The following GPR137B variants were observed in gnomAD, a reference collection of about 807,000 sequenced individuals.
GPR137B encodes the protein integral membrane protein GPR137B.
A neutral mutation model predicts 42.5 loss-of-function variants in GPR137B; 42 were observed. The ratio of observed to expected loss-of-function variants is 0.99; its 90% confidence interval spans 0.77 to 1.28. The LOEUF (loss-of-function observed/expected upper bound fraction) is 1.28, where lower values mean the gene tolerates loss of function less well. Ranked by LOEUF, GPR137B falls within the 50% of genes most tolerant of loss-of-function variation. The probability of loss-of-function intolerance (pLI) is 0.00; values close to 1 mark genes in which losing one functional copy is unlikely to be tolerated. For synonymous variants in GPR137B, 218 were observed against 209.7 expected (o/e 1.04, Z -0.34); for missense variants, 487 against 493.9 (o/e 0.99, Z 0.13).
At chr1:236,161,606 C>G (rs1242041098) in intron 1 of GPR137B, among the ~76,000 whole-genome samples, 1 of 151,990 alleles carries the variant, frequency 6.6e-6, no homozygotes, top group East Asian at 1.9e-4. Context: ...AATTGTATCT[C>G]CCAGAATTTC....
At chr1:236,170,513 A>G (rs1022493934) in intron 2 of GPR137B, among the ~76,000 whole-genome samples, 1 of 152,106 alleles carries the variant, frequency 6.6e-6, no homozygotes, top group African/African-American at 2.4e-5. Flanking sequence ...ACTGCTTTGT[A>G]CGTGGCTCAG....
At chr1:236,195,733 G>A (rs1313762531) in intron 5 of GPR137B, among the ~76,000 whole-genome samples, 1 of 152,106 alleles carries the variant, frequency 6.6e-6, no homozygotes, top group Non-Finnish European at 1.5e-5. Flanking sequence ...CAGTGTTCAA[G>A]GGTTCCCTTT....
intron 1 of GPR137B, among the ~76,000 whole-genome samples, chr1:236,164,383 T>C (rs1662285675): frequency 6.6e-6 from 1 of 152,212 alleles, no homozygotes; most frequent in South Asian, 2.1e-4. Context: ...GTGCCCGTGC[T>C]GTCAAAGCAC....
At chr1:236,178,356 G>T (rs1244339391) in intron 2 of GPR137B, 58 bp from the exon 3 acceptor site, 3 of 1,007,900 alleles carry the variant, frequency 3.0e-6, no homozygotes, top group Non-Finnish European at 4.7e-6. Flanking sequence ...ACACATCTCA[G>T]TGTCCTTCTA....
Position 236,188,829 on chromosome 1 carries a change from C to T in GPR137B, c.966+4923C>T, listed in dbSNP as rs1034449917. On this transcript the variant is annotated intron_variant, in intron 5 of 6. Coordinates refer to ENST00000366592, the MANE Select transcript of GPR137B (RefSeq NM_003272.4). ...GGTTTTGGTATTAGGATGATGCTGG[C>T]CTCATAAAATGAGTCAGGGAGGATT... Among the ~76,000 whole-genome samples the T allele has an allele frequency of 7.9e-5, 12 of 152,178 alleles. No homozygotes were observed. The East Asian group carries it at 2.3e-3, about 29-fold the overall frequency.
chr1:236,197,628 T>C (rs1423204903), intron 5 of GPR137B, among the ~76,000 whole-genome samples: 1 of 152,212 alleles, frequency 6.6e-6, no homozygotes, highest in Admixed American at 6.5e-5. Context: ...CCCAGCACCA[T>C]TTGTTGAACA....
intron 5 of GPR137B, among the ~76,000 whole-genome samples, chr1:236,195,064 T>G (rs761275064): frequency 1.3e-5 from 2 of 152,222 alleles, no homozygotes; most frequent in Non-Finnish European, 2.9e-5. Flanking sequence ...TTTCACATCA[T>G]GGAGAATGGT....
At chr1:236,160,627 A>G (rs771667384) in intron 1 of GPR137B, among the ~76,000 whole-genome samples, 1 of 152,124 alleles carries the variant, frequency 6.6e-6, no homozygotes, top group Non-Finnish European at 1.5e-5. Context: ...TTTCACAAAC[A>G]TGCGCTTTTG....
In GPR137B at chr1:236,187,185, TG is replaced by T. The variant is rs544073849; in HGVS notation, c.966+3280del. On this transcript the variant is annotated intron_variant, in intron 5 of 6. Transcript: ENST00000366592. ...TCCTTTGCCCACTTTTTGATGGGGTTGTTTTTTTCCTGTAAATTTAAGTTCT... is the reference window on the plus strand; with the variant it reads ...TCCTTTGCCCACTTTTTGATGGGGTTTTTTTTTCCTGTAAATTTAAGTTCT... 8.7e-4 allele frequency among the ~76,000 whole-genome samples: 132 copies of T among 152,326 alleles called. 5 individuals carry two copies. The East Asian group carries it at 0.02, about 23-fold the overall frequency.
chr1:236,189,062 C>G (rs1158597724), intron 5 of GPR137B, among the ~76,000 whole-genome samples: 1 of 152,100 alleles, frequency 6.6e-6, no homozygotes, highest in Non-Finnish European at 1.5e-5. Context: ...GTGTATGTGT[C>G]CAGGAATTTA....
At chr1:236,169,491 A>G (rs1408928943) in intron 2 of GPR137B, among the ~76,000 whole-genome samples, 2 of 152,240 alleles carry the variant, frequency 1.3e-5, no homozygotes, top group South Asian at 2.1e-4. Flanking sequence ...TGGACACTCT[A>G]TATTTGTAAC....
intron 4 of GPR137B, among the ~76,000 whole-genome samples, chr1:236,183,489 A>T (rs1662938992): frequency 6.6e-6 from 1 of 151,820 alleles, no homozygotes; most frequent in South Asian, 2.1e-4. Context: ...GAATATTTTG[A>T]AGAAGAAGAT....
chr1:236,157,784 A>G (rs1426649200), intron 1 of GPR137B, among the ~76,000 whole-genome samples: 2 of 152,136 alleles, frequency 1.3e-5, no homozygotes, highest in East Asian at 3.9e-4. Flanking sequence ...CCATGTATAG[A>G]TGCGCCCATG....
At chr1:236,193,454 A>G (rs984897166) in intron 5 of GPR137B, among the ~76,000 whole-genome samples, 3 of 151,990 alleles carry the variant, frequency 2.0e-5, no homozygotes, top group African/African-American at 4.8e-5. Context: ...CTGCCAGACT[A>G]TTTTCCACAG....
At chr1:236,169,904 G>A (rs1219994084) in intron 2 of GPR137B, among the ~76,000 whole-genome samples, 6 of 152,012 alleles carry the variant, frequency 3.9e-5, no homozygotes, top group African/African-American at 9.7e-5. Context: ...GCCGGGCGAG[G>A]TAGCGCACAT....
Position 236,171,840 on chromosome 1 carries a change from T to C in GPR137B, c.464+3085T>C, listed in dbSNP as rs1307224569. 6.6e-6 allele frequency among the ~76,000 whole-genome samples: 1 copy of C among 150,974 alleles called. No homozygotes were observed. The highest frequency in any genetic ancestry group is 1.5e-5 in the Non-Finnish European group (1 of 67,722). ...CAGGCAGATCACCTGAGATCAGGAG[T>C]TTGAGACCATCCTGGCCAACATGGT... On this transcript the variant is annotated intron_variant, in intron 2 of 6. Coordinates refer to ENST00000366592, the MANE Select transcript of GPR137B (RefSeq NM_003272.4). The surrounding 1 kb of genome is among the most constrained non-coding windows in gnomAD (Gnocchi z 4.4).
At chr1:236,182,113 G>A (rs1327469244) in intron 4 of GPR137B, among the ~76,000 whole-genome samples, 1 of 151,904 alleles carries the variant, frequency 6.6e-6, no homozygotes, top group African/African-American at 2.4e-5. Flanking sequence ...GGCTGGTCTT[G>A]AACTCCTGAC....
In GPR137B at chr1:236,160,458, T is replaced by A. The variant is rs78237437; in HGVS notation, c.415-8248T>A. On this transcript the variant is annotated intron_variant, in intron 1 of 6. Transcript: ENST00000366592. ...TGCCATGTTCCCTCAGACCCCTCCT[T>A]GCTGCCTCAGTTTCTCAGCCCTCCA... 1.4e-3 allele frequency among the ~76,000 whole-genome samples: 216 copies of A among 152,166 alleles called. 2 individuals are homozygous for A. The highest frequency in any genetic ancestry group is 4.8e-3 in the African/African-American group (199 of 41,516).
chr1:236,165,469 G>T (rs1320523922), intron 1 of GPR137B, among the ~76,000 whole-genome samples: 1 of 152,212 alleles, frequency 6.6e-6, no homozygotes, highest in African/African-American at 2.4e-5. Context: ...GGGCTAGAAT[G>T]GTGAACTCCA....
Sources: gnomAD v4.1 joint callset for allele counts (sites outside exome capture counted in the v4.1 genomes callset) on GRCh38, gnomAD v4.1.1 for gene constraint, Gnocchi (gnomAD v3.1) non-coding constraint, MANE v1.5 for transcripts, NCBI Gene and HGNC (gene_info 2026-07-23, HGNC 2026-07-21) for gene names.